Variants in DOK6 observed in about 807,000 individuals in gnomAD.
DOK6 encodes the protein downstream of tyrosine kinase 6.
DOK6 carries 22 observed loss-of-function variants against 44.0 expected under a neutral mutation model. The observed-to-expected ratio is 0.50, with a 90% CI of 0.36 to 0.71. The LOEUF (loss-of-function observed/expected upper bound fraction) is 0.71. DOK6 is among the 30% of genes least tolerant of loss of function. The pLI, the probability that DOK6 is intolerant of heterozygous loss-of-function variation, is 0.00. For missense variants in DOK6, 340 were observed against 416.4 expected (o/e 0.82, Z 1.60); for synonymous variants, 166 against 145.5 (o/e 1.14, Z -1.01).
At chr18:69,438,169 G>T (rs1339219066) in intron 1 of DOK6, among the ~76,000 whole-genome samples, 1 of 152,092 alleles carries the variant, frequency 6.6e-6, no homozygotes, top group African/African-American at 2.4e-5. Flanking sequence ...TTTCATGAAA[G>T]ATTTCTCTGT....
At chr18:69,770,255 A>T (rs1040572536) in intron 7 of DOK6, among the ~76,000 whole-genome samples, 1 of 152,144 alleles carries the variant, frequency 6.6e-6, no homozygotes, top group African/African-American at 2.4e-5. Flanking sequence ...CGTGGCACAC[A>T]AAGATAAAAT....
At chr18:69,576,017 C>G (rs972778169) in intron 2 of DOK6, among the ~76,000 whole-genome samples, 1 of 152,116 alleles carries the variant, frequency 6.6e-6, no homozygotes. Context: ...ATGGACTAAA[C>G]CATAATTCCT....
chr18:69,521,498 TGAAAG>T (rs1218309180), intron 1 of DOK6, among the ~76,000 whole-genome samples: 1 of 151,484 alleles, frequency 6.6e-6, no homozygotes, highest in African/African-American at 2.4e-5. Context: ...GCAATTTTTA[TGAAAG>T]GATAGTTCAG....
At chr18:69,608,280 A>G (rs12150704) in intron 3 of DOK6, among the ~76,000 whole-genome samples, 62,304 of 152,012 alleles carry the variant, frequency 0.41, 13,913 homozygotes, top group Non-Finnish European at 0.5. Context: ...TTTGACCACT[A>G]TGTGTTCTTG....
chr18:69,589,703 T>C (rs946353528), intron 2 of DOK6, among the ~76,000 whole-genome samples: 2 of 152,260 alleles, frequency 1.3e-5, no homozygotes, highest in African/African-American at 4.8e-5. Context: ...TTCCACTTAA[T>C]TTGCCCAGTT....
intron 5 of DOK6, among the ~76,000 whole-genome samples, chr18:69,703,635 AG>A (rs1406067336): frequency 6.6e-6 from 1 of 152,210 alleles, no homozygotes; most frequent in East Asian, 1.9e-4. Flanking sequence ...ACAGATCACC[AG>A]GGCACCTGGA....
chr18:69,417,938 T>C (rs1239905396), intron 1 of DOK6, among the ~76,000 whole-genome samples: 1 of 152,186 alleles, frequency 6.6e-6, no homozygotes, highest in African/African-American at 2.4e-5. Flanking sequence ...TTGGGTTATT[T>C]ATGTATCCCG....
At chr18:69,736,176 C>T (rs892101925) in intron 5 of DOK6, among the ~76,000 whole-genome samples, 2 of 152,034 alleles carry the variant, frequency 1.3e-5, no homozygotes, top group Non-Finnish European at 2.9e-5. Flanking sequence ...TTCCCAGGCC[C>T]AAAACAGTGC....
At chr18:69,626,979 G>A (rs1379350109) in intron 3 of DOK6, among the ~76,000 whole-genome samples, 1 of 152,176 alleles carries the variant, frequency 6.6e-6, no homozygotes, top group Admixed American at 6.5e-5. Flanking sequence ...CAGGCCTAGA[G>A]GTACCTAGGA....
chr18:69,555,660 C>G (rs1982669654), intron 1 of DOK6, among the ~76,000 whole-genome samples: 1 of 152,186 alleles, frequency 6.6e-6, no homozygotes. Flanking sequence ...TTTAGCAAGT[C>G]TTCCCATCTT....
intron 1 of DOK6, chr18:69,469,997 G>A: frequency 5.8e-6 from 1 of 172,610 alleles, no homozygotes; most frequent in Non-Finnish European, 1.3e-5. Flanking sequence ...TGGGTATCCA[G>A]CCTTAGCGCG....
At chr18:69,754,837 T>C (rs1004709646) in intron 6 of DOK6, among the ~76,000 whole-genome samples, 1 of 152,214 alleles carries the variant, frequency 6.6e-6, no homozygotes, top group Non-Finnish European at 1.5e-5. Flanking sequence ...TCTTCAAATA[T>C]AGTCATTTGG....
chr18:69,509,507 G>A (rs922794478), intron 1 of DOK6, among the ~76,000 whole-genome samples: 12 of 151,872 alleles, frequency 7.9e-5, no homozygotes, highest in East Asian at 1.9e-4. Flanking sequence ...GCGTGGTGGC[G>A]GGCGCCTTTA....
rs187541884 is a variant in DOK6 at position 69,698,372 on chromosome 18, C to G, written c.410-32C>G. ...CCATAGACACTCACACCTCTTTTCA[C>G]TTAACCTTCTCCATTCTTCGTCTCT... On this transcript the variant is annotated intron_variant, in intron 4 of 7. Transcript: ENST00000382713. The G allele has an allele frequency of 3.5e-4, 552 of 1,574,102 alleles. 3 individuals are homozygous for G. In the East Asian group the frequency reaches 0.011, roughly 31 times the overall value.
intron 7 of DOK6, among the ~76,000 whole-genome samples, chr18:69,780,088 T>C (rs1980215310): frequency 2.0e-5 from 3 of 152,062 alleles, no homozygotes; most frequent in Admixed American, 2.0e-4. Flanking sequence ...TTTCTGAAAA[T>C]ATAATTGTTT....
intron 4 of DOK6, among the ~76,000 whole-genome samples, chr18:69,694,089 A>AAAAAAAAAAAAAAAAAAAAAAT (rs1372739323): frequency 6.9e-6 from 1 of 144,242 alleles, no homozygotes; most frequent in Admixed American, 7.0e-5. Flanking sequence ...AAAAAAAAAA[A>AAAAAAAAAAAAAAAAAAAAAAT]ATTGATCTAT....
intron 1 of DOK6, among the ~76,000 whole-genome samples, chr18:69,547,913 T>A (rs1982447928): frequency 6.8e-6 from 1 of 146,530 alleles, no homozygotes; most frequent in Non-Finnish European, 1.5e-5. Flanking sequence ...TATTCCATTG[T>A]ATCTATATAT....
intron 3 of DOK6, among the ~76,000 whole-genome samples, chr18:69,676,657 T>C (rs1985929101): frequency 6.6e-6 from 1 of 152,224 alleles, no homozygotes; most frequent in Non-Finnish European, 1.5e-5. Flanking sequence ...CCAATTTCTG[T>C]ACAGTGATAT....
intron 4 of DOK6, among the ~76,000 whole-genome samples, chr18:69,684,645 C>T (rs1415805335): frequency 6.6e-6 from 1 of 152,112 alleles, no homozygotes; most frequent in Non-Finnish European, 1.5e-5. Context: ...TTCCTCTTTT[C>T]ATGGGAGGTC....
Sources: allele counts gnomAD v4.1 joint callset (sites outside exome capture counted in the v4.1 genomes callset), GRCh38; gene constraint gnomAD v4.1.1; transcripts MANE v1.5; gene names NCBI Gene and HGNC (gene_info 2026-07-23, HGNC 2026-07-21).